Variants in STAT5B observed in about 807,000 individuals in gnomAD.
STAT5B encodes transcription factor STAT5B.
In STAT5B, 21 loss-of-function variants were observed where a neutral mutation model predicts 107.8. That is an observed-to-expected ratio of 0.19 (90% confidence interval 0.14 to 0.28). The LOEUF (loss-of-function observed/expected upper bound fraction) is 0.28, where lower values mean the gene tolerates loss of function less well. Ranked by LOEUF, STAT5B falls within the 10% of genes least tolerant of loss-of-function variation. The probability of loss-of-function intolerance (pLI) is 1.00; values close to 1 mark genes in which losing one functional copy is unlikely to be tolerated. For synonymous variants in STAT5B, 325 were observed against 401.7 expected (o/e 0.81, Z 2.28); for missense variants, 565 against 1,008.2 (o/e 0.56, Z 5.95).
chr17:42,216,144 C>G (rs754825194), intron 11 of STAT5B, 38 bp from the exon 12 acceptor site: 1 of 1,573,428 alleles, frequency 6.4e-7, no homozygotes. Flanking sequence ...GCCCACGAGC[C>G]TCAAGTTCTT....
the STAT5B span, among the ~76,000 whole-genome samples, chr17:42,283,784 C>T: frequency 1.4e-4 from 21 of 152,132 alleles, no homozygotes; most frequent in Non-Finnish European, 2.6e-4. Flanking sequence ...TCTTCTTGGA[C>T]AAGAATGGGG....
chr17:42,248,169 C>T (rs990840721), intron 1 of STAT5B, among the ~76,000 whole-genome samples: 1 of 148,692 alleles, frequency 6.7e-6, no homozygotes, highest in Non-Finnish European at 1.5e-5. Flanking sequence ...TCTAGCTACT[C>T]AGGAGACAGG....
In STAT5B at chr17:42,200,711, T is replaced by C. The variant is rs535083491; in HGVS notation, c.*1027A>G. ...AGAGAATTTTGATGTCAAATTAGGG[T>C]GGCAAGGAGAAAACAAAAAAGATCC... On this transcript the variant is annotated 3_prime_UTR_variant, in exon 19 of 19. Transcript: ENST00000293328. 5.7e-6 allele frequency: 1 copy of C among 176,704 alleles called. No individual in the cohort carries two copies. Among genetic ancestry groups the C allele is most frequent in the African/African-American group, 2.4e-5 (1 of 42,540 alleles). The allele number at this position is 176,704 out of a possible 1,614,324, so 10.9% of individuals were successfully genotyped here.
intron 11 of STAT5B, 102 bp downstream of exon 11, chr17:42,217,058 A>T: frequency 6.5e-7 from 1 of 1,539,052 alleles, no homozygotes; most frequent in South Asian, 1.2e-5. Flanking sequence ...CAACAGTCAA[A>T]AAGAAGAAGA....
chr17:42,233,031 G>A (rs778467778), intron 1 of STAT5B, among the ~76,000 whole-genome samples: 8 of 151,774 alleles, frequency 5.3e-5, no homozygotes, highest in Non-Finnish European at 1.0e-4. Context: ...CAGTAGAGAT[G>A]GGGTTTCACC....
intron 1 of STAT5B, among the ~76,000 whole-genome samples, chr17:42,266,616 T>C (rs1320454634): frequency 6.6e-6 from 1 of 151,720 alleles, no homozygotes; most frequent in Non-Finnish European, 1.5e-5. Context: ...GACTCATTCC[T>C]GTAATCCCAA....
rs1384823264 is a variant in STAT5B, at chr17:42,203,645, TTGACAGAGTCTTACTC to T, written c.2078-853_2078-838del. The stretch of plus-strand genomic sequence containing the variant: ...CTGGAGGTTTTCTTTTTTTTCTTTT[TTGACAGAGTCTTACTC>T]TGTTGCCCACACTGGAGTGCAGTGG... On this transcript the variant is annotated intron_variant, in intron 16 of 18. Transcript: ENST00000293328. Among the ~76,000 whole-genome samples the T allele has an allele frequency of 2.6e-5, 4 of 152,060 alleles. No homozygotes were observed. In the East Asian group the frequency reaches 7.7e-4, roughly 29 times the overall value.
chr17:42,250,682 T>C (rs772529064), intron 1 of STAT5B, among the ~76,000 whole-genome samples: 32 of 152,064 alleles, frequency 2.1e-4, no homozygotes, highest in Non-Finnish European at 2.8e-4. Context: ...CCCAGCACTT[T>C]AGGAGGCCAA....
intron 2 of STAT5B, among the ~76,000 whole-genome samples, chr17:42,228,701 GC>G (rs1189807130): frequency 6.6e-6 from 1 of 152,244 alleles, no homozygotes; most frequent in Non-Finnish European, 1.5e-5. Flanking sequence ...GGAGGCCGAG[GC>G]AGGCGGATTA....
intron 1 of STAT5B, among the ~76,000 whole-genome samples, chr17:42,266,941 A>G (rs1227204447): frequency 6.6e-5 from 10 of 152,252 alleles, no homozygotes; most frequent in Non-Finnish European, 1.5e-5. Flanking sequence ...GTAAAACATG[A>G]CTACACTCAG....
chr17:42,276,486 C>T (rs1178666385), upstream of STAT5B: 2 of 149,884 alleles, frequency 1.3e-5, no homozygotes, highest in African/African-American at 4.9e-5. The surrounding 1 kb of genome is among the most constrained non-coding windows in gnomAD (Gnocchi z 4.8). Context: ...GCGCGCCCCG[C>T]TTCCTGGTTC....
At chr17:42,280,256 T>C (rs1005980850), upstream of STAT5B, among the ~76,000 whole-genome samples, 2 of 152,068 alleles carry the variant, frequency 1.3e-5, no homozygotes, top group Admixed American at 6.5e-5. Context: ...GGAGAGAGGC[T>C]TGGGGGAAGA....
At chr17:42,248,861 A>G (rs887767290) in intron 1 of STAT5B, among the ~76,000 whole-genome samples, 1 of 152,234 alleles carries the variant, frequency 6.6e-6, no homozygotes, top group Non-Finnish European at 1.5e-5. Flanking sequence ...TTCTGCAGCT[A>G]GTACGCAATA....
At chr17:42,282,057 G>A in the STAT5B span, among the ~76,000 whole-genome samples, 1 of 152,164 alleles carries the variant, frequency 6.6e-6, no homozygotes, top group Non-Finnish European at 1.5e-5. Flanking sequence ...AGTCTTCTGG[G>A]AACCATGGTG....
At chr17:42,284,206 A>T in the STAT5B span, among the ~76,000 whole-genome samples, 5 of 150,976 alleles carry the variant, frequency 3.3e-5, 1 homozygote, top group South Asian at 1.0e-3. Context: ...GCATGGGCAG[A>T]CCTGATCGTC....
chr17:42,224,747 G>A lies in STAT5B; in HGVS notation c.375+32C>T, dbSNP rs773440457. On this transcript the variant is annotated intron_variant, in intron 4 of 18. Coordinates refer to ENST00000293328, the MANE Select transcript of STAT5B (RefSeq NM_012448.4). ...GGAGGTGGGTAAGAAAAGACTTCCC[G>A]ACTGCCCTCCCCATCCCTATGGGAC... 2.3e-5 allele frequency: 37 copies of A among 1,609,556 alleles called. No homozygotes were observed. In the Admixed American group the frequency reaches 5.3e-4, roughly 23 times the overall value.
upstream of STAT5B, among the ~76,000 whole-genome samples, chr17:42,277,794 T>G (rs1178554442): frequency 2.0e-5 from 3 of 151,430 alleles, no homozygotes; most frequent in African/African-American, 4.9e-5. Context: ...CTCTCTCTGT[T>G]GCCCAGGCTG....
At chr17:42,205,072 G>A (rs913381985) in intron 16 of STAT5B, among the ~76,000 whole-genome samples, 1 of 152,150 alleles carries the variant, frequency 6.6e-6, no homozygotes, top group Non-Finnish European at 1.5e-5. Flanking sequence ...CTGTTGCCCA[G>A]GCTGGAGTGC....
Position 42,232,040 on chromosome 17 carries a change from C to T in STAT5B, c.88G>A (p.Val30Met), listed in dbSNP as rs2144296739. ...ATCCACTGGGATAAATAATGCCGCA[C>T]CTCAATGGGAAAATGCTGGCCATAT... is the stretch of plus-strand genomic sequence containing the variant. ...ALYGQHFPIE[V>M]RHYLSQWIES... Residue 30 changes from valine (V) to methionine (M), a missense_variant, in exon 2 of 19, where the codon GTG becomes ATG. Coordinates refer to ENST00000293328, the MANE Select transcript of STAT5B (RefSeq NM_012448.4). 1 of 1,613,950 alleles carries T rather than the reference C, an allele frequency of 6.2e-7. No homozygotes were observed. The highest frequency in any genetic ancestry group is 1.6e-4 in the Middle Eastern group (1 of 6,062).
Sources: gnomAD v4.1 joint callset for allele counts (sites outside exome capture counted in the v4.1 genomes callset) on GRCh38, gnomAD v4.1.1 for gene constraint, Gnocchi (gnomAD v3.1) non-coding constraint, MANE v1.5 for transcripts, NCBI Gene and HGNC (gene_info 2026-07-23, HGNC 2026-07-21) for gene names.